The following EPB41L3 variants were observed in gnomAD, a reference collection of about 807,000 sequenced individuals.
EPB41L3 encodes the protein erythrocyte membrane protein band 4.1 like 3.
A neutral mutation model predicts 127.1 loss-of-function variants in EPB41L3; 57 were observed. The ratio of observed to expected loss-of-function variants is 0.45; its 90% CI spans 0.36 to 0.56. EPB41L3 has a LOEUF of 0.56. Ranked by LOEUF, EPB41L3 falls within the 20% of genes least tolerant of loss-of-function variation. EPB41L3 has a pLI of 0.00. For synonymous variants in EPB41L3, 572 were observed against 549.5 expected (o/e 1.04, Z -0.57); for missense variants, 1,273 against 1,372.2 (o/e 0.93, Z 1.14).
At chr18:5,583,333 A>G (rs2094412720) in intron 3 of EPB41L3, among the ~76,000 whole-genome samples, 1 of 152,188 alleles carries the variant, frequency 6.6e-6, no homozygotes, top group Non-Finnish European at 1.5e-5. Context: ...CCCATGGCTG[A>G]GTCCAAATTT....
intron 16 of EPB41L3, chr18:5,400,563 G>A (rs1445500321): frequency 1.1e-5 from 5 of 458,124 alleles, no homozygotes; most frequent in African/African-American, 6.0e-5. Context: ...AGTCAGCAGA[G>A]TCTCCTTCCT....
chr18:5,430,727 C>T (rs2078891481), intron 8 of EPB41L3, among the ~76,000 whole-genome samples: 1 of 150,330 alleles, frequency 6.7e-6, no homozygotes, highest in South Asian at 2.1e-4. Flanking sequence ...CCACACTCGA[C>T]ATTTTTTTTT....
chr18:5,559,125 T>G (rs982393083), intron 3 of EPB41L3, among the ~76,000 whole-genome samples: 7 of 152,244 alleles, frequency 4.6e-5, no homozygotes, highest in Non-Finnish European at 1.0e-4. Flanking sequence ...GAGGACATTT[T>G]GATCTTCAAA....
intron 1 of EPB41L3, among the ~76,000 whole-genome samples, chr18:5,500,621 G>C (rs549067222): frequency 6.6e-6 from 1 of 152,156 alleles, no homozygotes; most frequent in Non-Finnish European, 1.5e-5. Context: ...CAGTACCACG[G>C]GGTGAAGGAC....
upstream of EPB41L3, chr18:5,544,350 G>A (rs2093840127): frequency 1.0e-6 from 1 of 983,236 alleles, no homozygotes; most frequent in African/African-American, 1.7e-5. Flanking sequence ...CTGTGAGAAA[G>A]GAGGGAGAGG....
At chr18:5,407,983 A>G (rs545982654) in intron 14 of EPB41L3, among the ~76,000 whole-genome samples, 67 of 152,346 alleles carry the variant, frequency 4.4e-4, no homozygotes, top group South Asian at 2.7e-3. Flanking sequence ...ACCAGCAGAC[A>G]CACGTGGTTG....
chr18:5,498,646 C>T (rs1246912625), intron 1 of EPB41L3, among the ~76,000 whole-genome samples: 1 of 149,568 alleles, frequency 6.7e-6, no homozygotes, highest in Admixed American at 6.7e-5. Context: ...CATCATTTCC[C>T]TTAGCAAAGG....
intron 3 of EPB41L3, among the ~76,000 whole-genome samples, chr18:5,593,494 T>C (rs191116539): frequency 1.2e-3 from 175 of 152,058 alleles, no homozygotes; most frequent in African/African-American, 4.0e-3. Context: ...CACAAGGTGA[T>C]AGGATATCAC....
At chr18:5,617,464 G>C (rs978720848) in intron 1 of EPB41L3, among the ~76,000 whole-genome samples, 2 of 152,006 alleles carry the variant, frequency 1.3e-5, no homozygotes, top group East Asian at 1.9e-4. Context: ...GACCACAGGC[G>C]CCAGCCACCA....
chr18:5,407,809 T>G, intron 14 of EPB41L3, 73 bp from the exon 15 acceptor site: 2 of 1,443,512 alleles, frequency 1.4e-6, no homozygotes. Flanking sequence ...AACTATGGTC[T>G]ACATAGACTT....
At chr18:5,458,076 G>A (rs1357377835) in intron 3 of EPB41L3, among the ~76,000 whole-genome samples, 1 of 152,160 alleles carries the variant, frequency 6.6e-6, no homozygotes, top group East Asian at 1.9e-4. Context: ...AAATGCATCT[G>A]GGGTTCATTT....
At chr18:5,406,619 C>A in intron 16 of EPB41L3, 158 bp downstream of exon 16, 1 of 604,216 alleles carries the variant, frequency 1.7e-6, no homozygotes. Flanking sequence ...TTTTATTTTG[C>A]AGTTTTCTGT....
At chr18:5,595,505 A>G (rs1485515639) in intron 3 of EPB41L3, among the ~76,000 whole-genome samples, 2 of 151,922 alleles carry the variant, frequency 1.3e-5, no homozygotes, top group African/African-American at 4.8e-5. Flanking sequence ...CTTGAGGTCT[A>G]CCCTAGGGGC....
chr18:5,546,379 A>C (rs1006743912), upstream of EPB41L3, among the ~76,000 whole-genome samples: 12 of 152,082 alleles, frequency 7.9e-5, no homozygotes, highest in Admixed American at 2.0e-4. Flanking sequence ...AAAAACACAA[A>C]AATTAGCTGG....
At chr18:5,513,598 A>T (rs534973765) in intron 1 of EPB41L3, among the ~76,000 whole-genome samples, 54 of 152,256 alleles carry the variant, frequency 3.5e-4, no homozygotes, top group African/African-American at 1.3e-3. Context: ...GGCTCAACTG[A>T]CTCCACAATG....
intron 3 of EPB41L3, among the ~76,000 whole-genome samples, chr18:5,464,233 TTAA>T (rs1317042033): frequency 6.6e-6 from 1 of 152,242 alleles, no homozygotes; most frequent in Non-Finnish European, 1.5e-5. Flanking sequence ...TTATGTTGCC[TTAA>T]ATACCTCTAC....
chr18:5,425,511 G>A lies in EPB41L3; in HGVS notation c.1066-1152C>T, dbSNP rs79222585. 6.0e-3 allele frequency among the ~76,000 whole-genome samples: 910 copies of A among 152,282 alleles called. 5 individuals carry two copies. Among genetic ancestry groups the A allele is most frequent in the African/African-American group, 0.021 (879 of 41,556 alleles). ...CCAATGCCAGGGGTTATATGGAAGA[G>A]TCAGCTTGCACTCTGCTGCAAGAAG... On this transcript the variant is annotated intron_variant, in intron 9 of 22. Coordinates refer to ENST00000341928, the MANE Select transcript of EPB41L3 (RefSeq NM_012307.5).
At chr18:5,589,096 G>A (rs1048941556) in intron 3 of EPB41L3, among the ~76,000 whole-genome samples, 1 of 151,968 alleles carries the variant, frequency 6.6e-6, no homozygotes, top group African/African-American at 2.4e-5. Context: ...ATGATACTGG[G>A]GATTTATTAC....
chr18:5,609,715 G>A (rs1415977190), intron 3 of EPB41L3, among the ~76,000 whole-genome samples: 1 of 152,108 alleles, frequency 6.6e-6, no homozygotes, highest in East Asian at 1.9e-4. Context: ...ATACATACAT[G>A]TGCATCTGCC....
Sources: allele counts gnomAD v4.1 joint callset (sites outside exome capture counted in the v4.1 genomes callset), GRCh38; gene constraint gnomAD v4.1.1; transcripts MANE v1.5; gene names NCBI Gene and HGNC (gene_info 2026-07-23, HGNC 2026-07-21).